Variants in TPST1 observed in about 807,000 individuals in gnomAD.
TPST1 encodes tyrosylprotein sulfotransferase 1.
Under a neutral mutation model 34.8 loss-of-function variants are expected in TPST1, and 20 were observed. That is an observed-to-expected ratio of 0.57 (90% CI 0.40 to 0.84). The LOEUF is 0.84. Among genes scored for constraint, TPST1 ranks in the 40% least tolerant of loss-of-function variants. The probability of loss-of-function intolerance (pLI) is 0.00; values close to 1 mark genes in which losing one functional copy is unlikely to be tolerated. For synonymous variants in TPST1, 152 were observed against 159.4 expected (o/e 0.95, Z 0.35); for missense variants, 353 against 455.5 (o/e 0.78, Z 2.05).
intron 1 of TPST1, among the ~76,000 whole-genome samples, chr7:66,208,321 C>G (rs1197750206): frequency 2.0e-5 from 3 of 152,136 alleles, no homozygotes; most frequent in African/African-American, 7.2e-5. Context: ...GGAGCATCAC[C>G]CTGGTGAGAG....
At chr7:66,228,290 A>G (rs1159858759) in intron 1 of TPST1, among the ~76,000 whole-genome samples, 3 of 152,202 alleles carry the variant, frequency 2.0e-5, no homozygotes, top group Non-Finnish European at 4.4e-5. Flanking sequence ...TTTTCCTACA[A>G]TCAAATTGTT....
At chr7:66,358,862 GGATGGACCGCATCAGCAGTTGCCTCTGCA>G (rs1482638500) in intron 5 of TPST1, among the ~76,000 whole-genome samples, 11 of 152,178 alleles carry the variant, frequency 7.2e-5, no homozygotes, top group African/African-American at 2.7e-4. Context: ...GCGTGTTGTA[GGATGGACCGCATCAGCAGTTGCCTCTGCA>G]GCATTTCACC....
rs575417957 is a variant in TPST1, at chr7:66,224,906, T to C, written c.-101-15419T>C. 3.2e-3 allele frequency among the ~76,000 whole-genome samples: 295 copies of C among 93,330 alleles called. 1 individual carries two copies. Among genetic ancestry groups the C allele is most frequent in the Non-Finnish European group, 4.7e-3 (201 of 43,130 alleles). The allele number at this position is 93,330 out of a possible 152,430, so 61.2% of individuals were successfully genotyped here. A position where few individuals can be genotyped will look rare whatever the true frequency, so the allele number is the denominator to read the frequency against. ...AGCCTGAACATTCTGGTATTCTTTT[T>C]TTTTTTTTTTTTTTTTTTTTTTTTT... On this transcript the variant is annotated intron_variant, in intron 1 of 5. Transcript: ENST00000304842.
chr7:66,270,011 G>A (rs1486094603), intron 2 of TPST1, among the ~76,000 whole-genome samples: 1 of 152,142 alleles, frequency 6.6e-6, no homozygotes, highest in Non-Finnish European at 1.5e-5. Context: ...AAGTAAAGGG[G>A]ACCAGGGCCC....
chr7:66,294,098 T>C (rs141992625), intron 3 of TPST1, among the ~76,000 whole-genome samples: 235 of 152,292 alleles, frequency 1.5e-3, no homozygotes, highest in African/African-American at 5.4e-3. Context: ...TACATTCACA[T>C]TGTTGTGCAA....
At chr7:66,263,391 G>T (rs533616470) in intron 2 of TPST1, among the ~76,000 whole-genome samples, 2 of 152,126 alleles carry the variant, frequency 1.3e-5, no homozygotes, top group African/African-American at 4.8e-5. Context: ...TTCTGCAGTG[G>T]TAACTCTTTC....
Position 66,321,353 on chromosome 7 carries a change from C to T in TPST1, c.1045-31152C>T, listed in dbSNP as rs943424316. On this transcript the variant is annotated intron_variant, in intron 3 of 5. Coordinates refer to ENST00000304842, the MANE Select transcript of TPST1 (RefSeq NM_003596.4). Reference sequence around the variant, plus strand: ...TCATGACATAGGCATTTGGTATTACCTGCACAACTGACTTCAGGGTCAGGC... The same window carrying T: ...TCATGACATAGGCATTTGGTATTACTTGCACAACTGACTTCAGGGTCAGGC... Among the ~76,000 whole-genome samples, 28 of 152,190 alleles carry T rather than the reference C, an allele frequency of 1.8e-4. 1 individual carries two copies. The highest frequency in any genetic ancestry group is 6.0e-4 in the African/African-American group (25 of 41,454).
chr7:66,236,614 A>G (rs575886089), intron 1 of TPST1, among the ~76,000 whole-genome samples: 1 of 152,308 alleles, frequency 6.6e-6, no homozygotes, highest in Middle Eastern at 3.4e-3. Flanking sequence ...CCTAAAATGT[A>G]TAAAACCAAG....
chr7:66,296,459 C>A (rs944433227), intron 3 of TPST1, among the ~76,000 whole-genome samples: 1 of 151,964 alleles, frequency 6.6e-6, no homozygotes, highest in Non-Finnish European at 1.5e-5. Context: ...TGTAATAAGT[C>A]AGATGCTAAT....
chr7:66,266,173 T>C (rs1223737686), intron 2 of TPST1, among the ~76,000 whole-genome samples: 2 of 152,142 alleles, frequency 1.3e-5, no homozygotes, highest in Admixed American at 1.3e-4. Context: ...AAACCATATT[T>C]TTCTCTCCTC....
intron 2 of TPST1, among the ~76,000 whole-genome samples, chr7:66,242,807 A>G (rs1026863965): frequency 1.3e-5 from 2 of 152,230 alleles, no homozygotes; most frequent in African/African-American, 4.8e-5. Context: ...CATTTTGTGT[A>G]TATACTTGCT....
At chr7:66,340,340 A>T (rs1217284235) in intron 3 of TPST1, among the ~76,000 whole-genome samples, 2 of 152,206 alleles carry the variant, frequency 1.3e-5, no homozygotes, top group African/African-American at 2.4e-5. Flanking sequence ...ACAGACAAGG[A>T]TGCCCACTCT....
At chr7:66,297,970 T>A (rs184732809) in intron 3 of TPST1, among the ~76,000 whole-genome samples, 1 of 152,354 alleles carries the variant, frequency 6.6e-6, no homozygotes, top group Admixed American at 6.5e-5. Flanking sequence ...CTTCTTAGAA[T>A]GACATTTACT....
At chr7:66,281,763 T>C (rs1307477420) in intron 2 of TPST1, among the ~76,000 whole-genome samples, 1 of 152,194 alleles carries the variant, frequency 6.6e-6, no homozygotes, top group Non-Finnish European at 1.5e-5. Flanking sequence ...TGGTTTCTTG[T>C]AGTAGTTGCT....
intron 2 of TPST1, among the ~76,000 whole-genome samples, chr7:66,261,418 G>A (rs1790486466): frequency 6.6e-6 from 1 of 151,982 alleles, no homozygotes; most frequent in Non-Finnish European, 1.5e-5. Flanking sequence ...TATAAGTTAT[G>A]TACTAGTTTG....
At chr7:66,237,505 T>C (rs1376658709) in intron 1 of TPST1, among the ~76,000 whole-genome samples, 1 of 152,144 alleles carries the variant, frequency 6.6e-6, no homozygotes, top group Non-Finnish European at 1.5e-5. Context: ...TCAGAATGTA[T>C]TTTTTAGTGT....
chr7:66,250,749 TA>T (rs898868218), intron 2 of TPST1, among the ~76,000 whole-genome samples: 8 of 152,320 alleles, frequency 5.3e-5, no homozygotes, highest in African/African-American at 1.7e-4. Flanking sequence ...AATTATAAAG[TA>T]GAACAATTAT....
At chr7:66,312,406 A>T (rs1301256459) in intron 3 of TPST1, among the ~76,000 whole-genome samples, 3 of 151,872 alleles carry the variant, frequency 2.0e-5, no homozygotes, top group Non-Finnish European at 2.9e-5. Flanking sequence ...TTTAACTCTT[A>T]AAAAACATGG....
chr7:66,335,670 T>C (rs1792081814), intron 3 of TPST1, among the ~76,000 whole-genome samples: 1 of 152,100 alleles, frequency 6.6e-6, no homozygotes, highest in Non-Finnish European at 1.5e-5. Context: ...TAGTTCTGTT[T>C]TAGTGCAATG....
Sources: gnomAD v4.1 joint callset for allele counts (sites outside exome capture counted in the v4.1 genomes callset) on GRCh38, gnomAD v4.1.1 for gene constraint, MANE v1.5 for transcripts, NCBI Gene and HGNC (gene_info 2026-07-23, HGNC 2026-07-21) for gene names.